Variants in SEMA5A observed in about 807,000 individuals in gnomAD.
SEMA5A encodes the protein semaphorin-5A.
SEMA5A carries 55 observed loss-of-function variants against 135.5 expected under a neutral mutation model. The observed-to-expected ratio is 0.41, with a 90% CI of 0.33 to 0.51. SEMA5A has a LOEUF of 0.51. Among genes scored for constraint, SEMA5A ranks in the 20% least tolerant of loss-of-function variants. The probability of loss-of-function intolerance (pLI) is 0.37; values close to 1 mark genes in which losing one functional copy is unlikely to be tolerated. For synonymous variants in SEMA5A, 580 were observed against 546.5 expected, an observed-to-expected ratio of 1.06 and a Z score of -0.85; for missense variants, 1,290 against 1,419.9, an observed-to-expected ratio of 0.91 and a Z score of 1.47.
intron 1 of SEMA5A, among the ~76,000 whole-genome samples, chr5:9,501,146 A>C (rs145859433): frequency 1.1e-3 from 174 of 152,352 alleles, no homozygotes; most frequent in African/African-American, 4.0e-3. Flanking sequence ...AATGGCTTTT[A>C]TCCAATTAAA....
At chr5:9,090,306 C>A (rs759202970) in intron 16 of SEMA5A, among the ~76,000 whole-genome samples, 16 of 152,172 alleles carry the variant, frequency 1.1e-4, no homozygotes, top group Admixed American at 4.6e-4. Context: ...ACCCAGTAAC[C>A]AAGCACTGGA....
chr5:9,486,876 C>T (rs977383025), intron 1 of SEMA5A, among the ~76,000 whole-genome samples: 1 of 152,056 alleles, frequency 6.6e-6, no homozygotes, highest in African/African-American at 2.4e-5. Flanking sequence ...TGCTAAAAGA[C>T]AATAGAGTCA....
chr5:9,161,007 C>T (rs1472251780), intron 11 of SEMA5A, among the ~76,000 whole-genome samples: 1 of 152,110 alleles, frequency 6.6e-6, no homozygotes, highest in Non-Finnish European at 1.5e-5. Flanking sequence ...ACCCATGAAA[C>T]ACTGAATCTT....
chr5:9,225,794 C>A (rs564810395), intron 7 of SEMA5A, among the ~76,000 whole-genome samples: 1 of 152,108 alleles, frequency 6.6e-6, no homozygotes, highest in Admixed American at 6.5e-5. Context: ...GGATTCCCAA[C>A]CAGCCATTGA....
At chr5:9,312,861 C>A (rs1478282331) in intron 5 of SEMA5A, among the ~76,000 whole-genome samples, 2 of 152,182 alleles carry the variant, frequency 1.3e-5, no homozygotes, top group East Asian at 1.9e-4. Context: ...CCTTTGGGAG[C>A]CACCCCACAA....
chr5:9,212,104 T>C (rs1806040), intron 8 of SEMA5A, among the ~76,000 whole-genome samples: 4,473 of 152,294 alleles, frequency 0.029, 236 homozygotes, highest in African/African-American at 0.1. Flanking sequence ...GGAGTTAGTT[T>C]TTCCAAGTTC....
intron 11 of SEMA5A, among the ~76,000 whole-genome samples, chr5:9,161,442 A>C (rs1743250131): frequency 6.6e-6 from 1 of 152,238 alleles, no homozygotes; most frequent in Non-Finnish European, 1.5e-5. Context: ...CAGGTGAATA[A>C]ATTTTAATTA....
chr5:9,151,787 G>C (rs1742648612), intron 12 of SEMA5A, among the ~76,000 whole-genome samples: 1 of 152,202 alleles, frequency 6.6e-6, no homozygotes, highest in Non-Finnish European at 1.5e-5. Flanking sequence ...TGAAAATGAA[G>C]TTACGATTTC....
At chr5:9,094,219 A>G (rs1403586412) in intron 16 of SEMA5A, among the ~76,000 whole-genome samples, 2 of 152,226 alleles carry the variant, frequency 1.3e-5, no homozygotes, top group Non-Finnish European at 2.9e-5. Context: ...TACATAGATG[A>G]AAGATCTGAA....
intron 12 of SEMA5A, among the ~76,000 whole-genome samples, chr5:9,147,891 A>T (rs1361255247): frequency 6.6e-6 from 1 of 152,230 alleles, no homozygotes; most frequent in South Asian, 2.1e-4. Flanking sequence ...CAGAATGTCC[A>T]TTTGCTAATT....
At chr5:9,248,425 C>T (rs898958808) in intron 5 of SEMA5A, among the ~76,000 whole-genome samples, 1 of 151,946 alleles carries the variant, frequency 6.6e-6, no homozygotes, top group Non-Finnish European at 1.5e-5. Flanking sequence ...AAATTAATTG[C>T]CTACACCAAT....
At chr5:9,359,193 T>C (rs1481626134) in intron 3 of SEMA5A, among the ~76,000 whole-genome samples, 1 of 152,218 alleles carries the variant, frequency 6.6e-6, no homozygotes, top group Non-Finnish European at 1.5e-5. Flanking sequence ...ACCTGGCCTT[T>C]GCAGTGTAAC....
At chr5:9,437,226 G>T (rs981298966) in intron 2 of SEMA5A, among the ~76,000 whole-genome samples, 1 of 152,238 alleles carries the variant, frequency 6.6e-6, no homozygotes, top group Non-Finnish European at 1.5e-5. Context: ...AAGCATCTAA[G>T]CCTTTTCACG....
chr5:9,182,160 C>G (rs200244851), intron 11 of SEMA5A, among the ~76,000 whole-genome samples: 4 of 138,514 alleles, frequency 2.9e-5, no homozygotes, highest in Non-Finnish European at 6.1e-5. Context: ...CCCCCCACCC[C>G]AAAAAAAAAT....
intron 8 of SEMA5A, among the ~76,000 whole-genome samples, chr5:9,218,104 T>C (rs1028454082): frequency 5.9e-5 from 9 of 152,128 alleles, no homozygotes; most frequent in African/African-American, 2.2e-4. Flanking sequence ...GGTACTGGAC[T>C]TAACTCCTGG....
chr5:9,486,942 C>A (rs921343744), intron 1 of SEMA5A, among the ~76,000 whole-genome samples: 1 of 152,054 alleles, frequency 6.6e-6, no homozygotes, highest in African/African-American at 2.4e-5. Context: ...GCACCCTCTA[C>A]TCCACAAACT....
At chr5:9,478,790 T>A (rs1759766034) in intron 1 of SEMA5A, among the ~76,000 whole-genome samples, 1 of 151,964 alleles carries the variant, frequency 6.6e-6, no homozygotes, top group Non-Finnish European at 1.5e-5. Flanking sequence ...GGACTTATAC[T>A]TTTGAGTTAA....
At chr5:9,419,703 A>C (rs1432994142) in intron 2 of SEMA5A, among the ~76,000 whole-genome samples, 13 of 152,160 alleles carry the variant, frequency 8.5e-5, no homozygotes, top group Non-Finnish European at 1.5e-5. Flanking sequence ...TACATGGCAG[A>C]TTTAACATTT....
chr5:9,401,425 T>A (rs1486269743), intron 2 of SEMA5A, among the ~76,000 whole-genome samples: 2 of 152,134 alleles, frequency 1.3e-5, no homozygotes, highest in Non-Finnish European at 2.9e-5. Flanking sequence ...ATCTCAGAAC[T>A]ATCCCAAAGG....
Sources: allele counts gnomAD v4.1 joint callset (sites outside exome capture counted in the v4.1 genomes callset), GRCh38; gene constraint gnomAD v4.1.1; transcripts MANE v1.5; gene names NCBI Gene and HGNC (gene_info 2026-07-23, HGNC 2026-07-21).